MCCC2: variants seen among roughly 807,000 people sequenced by gnomAD.
MCCC2 encodes the protein methylcrotonoyl-CoA carboxylase beta chain, mitochondrial.
MCCC2 carries 52 observed loss-of-function variants against 77.2 expected under a neutral mutation model. The observed-to-expected ratio is 0.67, with a 90% CI of 0.54 to 0.85. MCCC2 has a LOEUF of 0.85. Among genes scored for constraint, MCCC2 ranks in the 40% least tolerant of loss-of-function variants. MCCC2 has a pLI of 0.00. For synonymous variants in MCCC2, 253 were observed against 248.4 expected (o/e 1.02, Z -0.18); for missense variants, 682 against 703.2 (o/e 0.97, Z 0.34).
rs531416884 is a variant in MCCC2 at position 71,627,992 on chromosome 5, C to T, written c.738+1239C>T. Among the ~76,000 whole-genome samples, 8 of 152,074 alleles carry T rather than the reference C, an allele frequency of 5.3e-5. No homozygotes were observed. The East Asian group carries it at 5.8e-4, about 11-fold the overall frequency. ...CCAAGTAGCTGGGATTACAGGTGCA[C>T]GCCACCACTCCCGGCTAATTTTTGT... On this transcript the variant is annotated intron_variant, in intron 7 of 16. Coordinates refer to ENST00000340941, the MANE Select transcript of MCCC2 (RefSeq NM_022132.5).
intron 14 of MCCC2, 59 bp from the exon 15 acceptor site, chr5:71,650,010 T>G (rs1747388142): frequency 1.5e-6 from 2 of 1,330,326 alleles, no homozygotes; most frequent in Non-Finnish European, 1.1e-6. Flanking sequence ...AACATGGGCC[T>G]CTGAAAATCT....
intron 6 of MCCC2, among the ~76,000 whole-genome samples, chr5:71,616,769 C>T (rs1377418574): frequency 6.6e-6 from 1 of 152,044 alleles, no homozygotes; most frequent in Non-Finnish European, 1.5e-5. Context: ...TTTTTGTATC[C>T]CTGGCAGTTG....
intron 12 of MCCC2, among the ~76,000 whole-genome samples, chr5:71,644,501 G>A (rs1747224231): frequency 1.3e-5 from 2 of 151,764 alleles, no homozygotes. Flanking sequence ...CAAGACATCA[G>A]AAAAAAGAGG....
chr5:71,596,437 C>A, intron 3 of MCCC2, 73 bp downstream of exon 3: 1 of 1,318,460 alleles, frequency 7.6e-7, no homozygotes, highest in South Asian at 1.2e-5. Context: ...TCTTGTAAAT[C>A]AGTTATTTTG....
Position 71,599,703 on chromosome 5 carries a change from A to G in MCCC2, c.326A>G (p.Tyr109Cys), listed in dbSNP as rs1450884624. 3 of 1,614,148 alleles carry G rather than the reference A, an allele frequency of 1.9e-6. No individual in the cohort carries two copies. The highest frequency in any genetic ancestry group is 2.5e-6 in the Non-Finnish European group (3 of 1,180,020). Residue 109 changes from tyrosine (Y) to cysteine (C), a missense_variant, in exon 4 of 17, where the codon TAT (tyrosine) becomes TGT (cysteine). By Grantham distance (194) the Tyr-to-Cys change is radical. Coordinates refer to ENST00000340941, the MANE Select transcript of MCCC2 (RefSeq NM_022132.5). ...TCCCAGTTTGCAGGTTACCAGTTATATGACAATGAGGAGGTGCCAGGAGGT... is the reference window on the plus strand; with the variant it reads ...TCCCAGTTTGCAGGTTACCAGTTATGTGACAATGAGGAGGTGCCAGGAGGT... Reference protein sequence around the residue: ...ELSQFAGYQLYDNEEVPGGGI... With the variant: ...ELSQFAGYQLCDNEEVPGGGI...
chr5:71,644,033 ATGTGTGTGTGTGTGTGTGTGTG>A (rs61210707), intron 12 of MCCC2, 138 bp downstream of exon 12: 4 of 558,420 alleles, frequency 7.2e-6, no homozygotes, highest in African/African-American at 6.4e-5. Flanking sequence ...GTGCGCGGGC[ATGTGTGTGTGTGTGTGTGTGTG>A]TGTGTGTGTG....
chr5:71,625,979 T>G (rs1746518153), intron 6 of MCCC2, among the ~76,000 whole-genome samples: 2 of 152,214 alleles, frequency 1.3e-5, no homozygotes. Context: ...CAGCCAAACC[T>G]ATATTTATTA....
intron 2 of MCCC2, among the ~76,000 whole-genome samples, chr5:71,594,842 G>A (rs1405397023): frequency 6.6e-6 from 1 of 151,300 alleles, no homozygotes; most frequent in Non-Finnish European, 1.5e-5. Context: ...GCTCCAAATT[G>A]TAAGGCCCCA....
In MCCC2 at chr5:71,646,267, A is replaced by G. The variant is rs749406136; in HGVS notation, c.1206A>G (p.Gln402=). 42 of 1,613,590 alleles carry G rather than the reference A, an allele frequency of 2.6e-5. No individual in the cohort carries two copies. The highest frequency in any genetic ancestry group is 6.8e-6 in the Non-Finnish European group (8 of 1,179,766). The change falls in exon 13 of 17, where the codon CAA becomes CAG. Residue 402 remains glutamine (Q), a synonymous_variant. Transcript: ENST00000340941. The part of the protein sequence containing the change: ...CQRNIPLLFL[Q]NITGFMVGRE... ...GAAATATTCCTCTGCTGTTCCTTCA[A>G]AACATTACTGGTAAGAAAATAGCTT...
At chr5:71,656,046 C>G (rs974898788) in intron 16 of MCCC2, among the ~76,000 whole-genome samples, 11 of 152,164 alleles carry the variant, frequency 7.2e-5, no homozygotes, top group Admixed American at 3.3e-4. Flanking sequence ...GAAACCCCGT[C>G]TCTTCTACAA....
intron 2 of MCCC2, among the ~76,000 whole-genome samples, chr5:71,595,765 A>T (rs934572285): frequency 1.3e-5 from 2 of 152,192 alleles, no homozygotes; most frequent in African/African-American, 4.8e-5. Context: ...TGAGTCAAGG[A>T]AGGGGACTTT....
At chr5:71,641,289 G>C in intron 11 of MCCC2, 1 of 563,652 alleles carries the variant, frequency 1.8e-6, no homozygotes, top group South Asian at 2.0e-5. Flanking sequence ...ATAGCTAGAT[G>C]CTGTGGTGTG....
At chr5:71,603,403 G>C (rs1159477465) in intron 5 of MCCC2, among the ~76,000 whole-genome samples, 2 of 109,258 alleles carry the variant, frequency 1.8e-5, no homozygotes, top group Non-Finnish European at 3.5e-5. Context: ...GCGACAGAGA[G>C]AGAGACTGTC....
Position 71,657,863 on chromosome 5 carries a change from C to T in MCCC2, c.*1003C>T, listed in dbSNP as rs1179628864. The T allele has an allele frequency of 6.6e-6, 1 of 152,194 alleles. No homozygotes were observed. The highest frequency in any genetic ancestry group is 1.5e-5 in the Non-Finnish European group (1 of 68,050). The allele number at this position is 152,194 out of a possible 1,614,324, so 9.4% of individuals were successfully genotyped here. On this transcript the variant is annotated 3_prime_UTR_variant, in exon 17 of 17. Coordinates refer to ENST00000340941, the MANE Select transcript of MCCC2 (RefSeq NM_022132.5). ...CCTTGACGGTTCTTAACCCAGCTCT[C>T]CCCTGAGCTGCAGGCCTGCATATCC... is the stretch of plus-strand genomic sequence containing the variant.
chr5:71,611,711 G>A (rs464182), intron 6 of MCCC2, among the ~76,000 whole-genome samples: 60,516 of 151,968 alleles, frequency 0.4, 12,648 homozygotes, highest in South Asian at 0.47. Context: ...TTGCCTCTGA[G>A]GTGGGAAGGA....
intron 7 of MCCC2, among the ~76,000 whole-genome samples, chr5:71,626,982 A>C (rs544821506): frequency 6.6e-6 from 1 of 152,240 alleles, no homozygotes; most frequent in East Asian, 1.9e-4. Flanking sequence ...TCCCCAACTG[A>C]AATTCTCCCT....
Position 71,635,054 on chromosome 5 carries a change from A to G in MCCC2, c.903+12A>G, listed in dbSNP as rs1746869864. 1 of 1,613,022 alleles carries G rather than the reference A, an allele frequency of 6.2e-7. No homozygotes were observed. The highest frequency in any genetic ancestry group is 1.3e-5 in the African/African-American group (1 of 74,902). The stretch of plus-strand genomic sequence containing the variant: ...AGAAGAAATTGGATGTGAGTACGAT[A>G]TGTTCTTATATCTTTTATTTTCCTG... On this transcript the variant is annotated intron_variant, in intron 9 of 16. Coordinates refer to ENST00000340941, the MANE Select transcript of MCCC2 (RefSeq NM_022132.5).
rs1747269311 is a variant in MCCC2 at position 71,646,209 on chromosome 5, AG to A, written c.1151del. On this transcript the variant is annotated splice_acceptor_variant, in intron 12 of 16. Transcript: ENST00000340941. LOFTEE classifies it high-confidence loss of function. ...AAAGATTTTTATGTTATTTGCTTAT[AG>A]GGTACTCACTTTGTCCAGTTATGCT... 6.2e-7 allele frequency: 1 copy of A among 1,612,914 alleles called. No homozygotes were observed. Among genetic ancestry groups the A allele is most frequent in the African/African-American group, 1.3e-5 (1 of 74,904 alleles).
intron 1 of MCCC2, among the ~76,000 whole-genome samples, chr5:71,590,511 A>G (rs894369724): frequency 3.9e-5 from 6 of 152,102 alleles, no homozygotes; most frequent in African/African-American, 1.4e-4. Flanking sequence ...GTTTCATTCC[A>G]TTGTGATTGA....
Sources: gnomAD v4.1 joint callset for allele counts (sites outside exome capture counted in the v4.1 genomes callset) on GRCh38, gnomAD v4.1.1 for gene constraint, MANE v1.5 for transcripts, NCBI Gene and HGNC (gene_info 2026-07-23, HGNC 2026-07-21) for gene names.